Variants in AIG1 observed in about 807,000 individuals in gnomAD.
AIG1 encodes androgen induced 1.
Under a neutral mutation model 31.4 loss-of-function variants are expected in AIG1, and 23 were observed. The observed-to-expected ratio is 0.73, with a 90% CI of 0.53 to 1.04. The LOEUF (loss-of-function observed/expected upper bound fraction) is 1.04, where lower values mean the gene tolerates loss of function less well. Ranked by LOEUF, AIG1 falls within the 50% of genes least tolerant of loss-of-function variation. The probability of loss-of-function intolerance (pLI) is 0.00; values close to 1 mark genes in which losing one functional copy is unlikely to be tolerated. For synonymous variants in AIG1, 100 were observed against 110.5 expected (o/e 0.90, Z 0.60); for missense variants, 274 against 295.0 (o/e 0.93, Z 0.52).
intron 1 of AIG1, among the ~76,000 whole-genome samples, chr6:143,091,951 C>T (rs181687199): frequency 9.9e-5 from 15 of 152,102 alleles, no homozygotes; most frequent in African/African-American, 2.4e-4. Flanking sequence ...CTGTAAGCAA[C>T]GTCTGGTGCT....
At chr6:143,074,905 A>T (rs1352601768) in intron 1 of AIG1, among the ~76,000 whole-genome samples, 2 of 152,240 alleles carry the variant, frequency 1.3e-5, no homozygotes, top group African/African-American at 4.8e-5. Context: ...GAGATTAAGC[A>T]AAATTAGTGT....
At chr6:143,342,150 C>T (rs748610445), downstream of AIG1, 1 of 529,110 alleles carries the variant, frequency 1.9e-6, no homozygotes, top group Non-Finnish European at 3.4e-6. Context: ...TCTCAAACTC[C>T]CGACCTTAGG....
chr6:143,321,702 G>A (rs948542658), intron 4 of AIG1, among the ~76,000 whole-genome samples: 9 of 152,222 alleles, frequency 5.9e-5, no homozygotes, highest in African/African-American at 2.2e-4. Flanking sequence ...AGGGCAGTTG[G>A]TGGGGCAGGG....
intron 3 of AIG1, among the ~76,000 whole-genome samples, chr6:143,222,235 G>A (rs1792576257): frequency 6.6e-6 from 1 of 152,144 alleles, no homozygotes; most frequent in African/African-American, 2.4e-5. Flanking sequence ...TTCAGGAAAT[G>A]CTTGGTTAGT....
At chr6:143,249,364 T>C (rs1242250976) in intron 3 of AIG1, among the ~76,000 whole-genome samples, 1 of 152,214 alleles carries the variant, frequency 6.6e-6, no homozygotes, top group Non-Finnish European at 1.5e-5. Flanking sequence ...AGTCCTTTCA[T>C]GTTGTAGGAA....
intron 1 of AIG1, among the ~76,000 whole-genome samples, chr6:143,125,496 A>T (rs1275679848): frequency 1.3e-5 from 2 of 152,240 alleles, no homozygotes; most frequent in Non-Finnish European, 2.9e-5. Flanking sequence ...TAACTATGTA[A>T]AAATCTTTAA....
chr6:143,208,581 A>G (rs140536111), intron 3 of AIG1, among the ~76,000 whole-genome samples: 1 of 152,306 alleles, frequency 6.6e-6, no homozygotes, highest in Non-Finnish European at 1.5e-5. Flanking sequence ...TAATTTAGTG[A>G]GGAGGAAGAA....
intron 3 of AIG1, among the ~76,000 whole-genome samples, chr6:143,182,656 CTTATATG>C (rs971429609): frequency 6.6e-6 from 1 of 152,108 alleles, no homozygotes; most frequent in Non-Finnish European, 1.5e-5. Flanking sequence ...TGTGGTTTTG[CTTATATG>C]TTATATTTAT....
intron 3 of AIG1, chr6:143,190,423 G>C: frequency 2.0e-6 from 2 of 985,326 alleles, no homozygotes; most frequent in Non-Finnish European, 2.4e-6. Flanking sequence ...TTTATCTTTT[G>C]GTGTAAACAT....
chr6:143,337,854 T>C (rs1351104365), intron 5 of AIG1: 1 of 397,258 alleles, frequency 2.5e-6, no homozygotes, highest in East Asian at 3.6e-5. Context: ...TCCCCTCTGG[T>C]CCCAAAAGTG....
rs772882758 is a variant in AIG1 at position 143,136,956 on chromosome 6, G to C, written c.263G>C (p.Trp88Ser). 2.0e-6 allele frequency: 3 copies of C among 1,498,780 alleles called. No homozygotes were observed. Among genetic ancestry groups the C allele is most frequent in the Admixed American group, 1.9e-5 (1 of 52,968 alleles). 92.8% of individuals were successfully genotyped at this position (1,498,780 alleles called of 1,614,324 possible). Reference sequence around the variant, plus strand: ...AAGAAGCTCATCTCTCTCCGGGACTGGATGTTAGCTGTGTTGGCCTTTCCT... The same window carrying C: ...AAGAAGCTCATCTCTCTCCGGGACTCGATGTTAGCTGTGTTGGCCTTTCCT... ...QLKKLISLRDWMLAVLAFPVG... is the reference protein window; with the variant it reads ...QLKKLISLRDSMLAVLAFPVG... The change falls in exon 2 of 6, where the codon TGG becomes TCG. Residue 88 changes from tryptophan (W) to serine (S), a missense_variant. Transcript: ENST00000357847.
chr6:143,294,477 C>T (rs1270712033), intron 4 of AIG1, among the ~76,000 whole-genome samples: 1 of 152,196 alleles, frequency 6.6e-6, no homozygotes, highest in Non-Finnish European at 1.5e-5. Flanking sequence ...GTCACTTAAC[C>T]TCTCTGTGCC....
chr6:143,101,039 T>G lies in AIG1; in HGVS notation c.142-35796T>G, dbSNP rs374313344. On this transcript the variant is annotated intron_variant, in intron 1 of 5. Transcript: ENST00000357847. ...CTCTTATAAAATTTTCAAGTTTTAT[T>G]TCATGTCATCTTTTTATGCATGCCT... 1.8e-4 allele frequency among the ~76,000 whole-genome samples: 28 copies of G among 152,326 alleles called. No homozygotes were observed. In the South Asian group the frequency reaches 5.8e-3, roughly 32 times the overall value.
At chr6:143,129,897 C>G (rs1055406403) in intron 1 of AIG1, among the ~76,000 whole-genome samples, 1 of 148,252 alleles carries the variant, frequency 6.7e-6, no homozygotes, top group African/African-American at 2.5e-5. Context: ...TGAAATGTTC[C>G]TCTATTTTTG....
intron 3 of AIG1, among the ~76,000 whole-genome samples, chr6:143,215,300 G>T (rs1332393599): frequency 1.3e-5 from 2 of 152,278 alleles, no homozygotes; most frequent in Admixed American, 6.5e-5. Flanking sequence ...TGATACTCAT[G>T]AGGTCACTAA....
At chr6:143,172,897 G>A (rs1022060405) in intron 3 of AIG1, among the ~76,000 whole-genome samples, 21 of 152,248 alleles carry the variant, frequency 1.4e-4, no homozygotes, top group African/African-American at 4.6e-4. Context: ...TGTTTCTGTG[G>A]TATCAGTTGT....
At chr6:143,143,475 T>G (rs1358752391) in intron 2 of AIG1, among the ~76,000 whole-genome samples, 4 of 110,922 alleles carry the variant, frequency 3.6e-5, no homozygotes, top group Non-Finnish European at 5.0e-5. Flanking sequence ...CACTCCAGCC[T>G]GGGTGACAGA....
chr6:143,151,380 A>G (rs1442295265), intron 2 of AIG1, among the ~76,000 whole-genome samples: 2 of 152,262 alleles, frequency 1.3e-5, no homozygotes, highest in African/African-American at 2.4e-5. Flanking sequence ...TGTTATTGAT[A>G]CAATACCAAG....
intron 3 of AIG1, among the ~76,000 whole-genome samples, chr6:143,224,627 G>T (rs528016315): frequency 6.6e-6 from 1 of 152,252 alleles, no homozygotes; most frequent in Non-Finnish European, 1.5e-5. Context: ...ATCTTAAGCT[G>T]CACCAAGCAA....
Sources: gnomAD v4.1 joint callset for allele counts (sites outside exome capture counted in the v4.1 genomes callset) on GRCh38, gnomAD v4.1.1 for gene constraint, MANE v1.5 for transcripts, NCBI Gene and HGNC (gene_info 2026-07-23, HGNC 2026-07-21) for gene names.